Variants in MBOAT2 observed in about 807,000 individuals in gnomAD.
MBOAT2 encodes membrane bound glycerophospholipid O-acyltransferase 2, also known as membrane-bound glycerophospholipid O-acyltransferase 2.
In MBOAT2, 28 loss-of-function variants were observed where a neutral mutation model predicts 63.4. The ratio of observed to expected loss-of-function variants is 0.44; its 90% CI spans 0.33 to 0.61. The LOEUF (loss-of-function observed/expected upper bound fraction) is 0.61. Among genes scored for constraint, MBOAT2 ranks in the 20% least tolerant of loss-of-function variants. The pLI, the probability that MBOAT2 is intolerant of heterozygous loss-of-function variation, is 0.03. For synonymous variants in MBOAT2, 211 were observed against 215.6 expected (o/e 0.98, Z 0.19); for missense variants, 470 against 605.8 (o/e 0.78, Z 2.35).
chr2:8,881,629 C>T (rs187563474), intron 6 of MBOAT2, among the ~76,000 whole-genome samples: 3 of 152,062 alleles, frequency 2.0e-5, no homozygotes, highest in Non-Finnish European at 2.9e-5. Context: ...ACAAGGGCTC[C>T]TAAAGATCAA....
In MBOAT2 at chr2:8,855,683, G is replaced by A. The variant is rs1661035215; in HGVS notation, c.*2996C>T. The A allele has an allele frequency of 6.6e-6, 1 of 152,114 alleles. No individual in the cohort carries two copies. Among genetic ancestry groups the A allele is most frequent in the African/African-American group, 2.4e-5 (1 of 41,432 alleles). 9.4% of individuals were successfully genotyped at this position (152,114 alleles called of 1,614,324 possible). A position where few individuals can be genotyped will look rare whatever the true frequency, so the allele number is the denominator to read the frequency against. On this transcript the variant is annotated 3_prime_UTR_variant, in exon 13 of 13. Transcript: ENST00000305997. Reference sequence around the variant, plus strand: ...AAAATACTTACTTTAAGAACAGAATGAGCCACTTATAAAATGGTGACAGCT... The same window carrying A: ...AAAATACTTACTTTAAGAACAGAATAAGCCACTTATAAAATGGTGACAGCT...
At chr2:8,995,159 C>T (rs181421255) in intron 1 of MBOAT2, among the ~76,000 whole-genome samples, 1 of 152,126 alleles carries the variant, frequency 6.6e-6, no homozygotes, top group Admixed American at 6.5e-5. Context: ...CCGGCAATCT[C>T]ACTACTGGTT....
At chr2:8,986,242 A>C (rs1671557450) in intron 1 of MBOAT2, among the ~76,000 whole-genome samples, 1 of 151,736 alleles carries the variant, frequency 6.6e-6, no homozygotes, top group Non-Finnish European at 1.5e-5. Context: ...AGTCTAAGAA[A>C]CTGCCTCAGT....
At chr2:8,880,283 T>G (rs774086429) in intron 6 of MBOAT2, among the ~76,000 whole-genome samples, 6 of 152,008 alleles carry the variant, frequency 3.9e-5, no homozygotes, top group African/African-American at 7.2e-5. Flanking sequence ...AGAGATTAAT[T>G]TTAAAGGAAG....
intron 3 of MBOAT2, among the ~76,000 whole-genome samples, chr2:8,923,856 C>T (rs543885230): frequency 4.9e-4 from 75 of 152,220 alleles, no homozygotes; most frequent in African/African-American, 1.8e-3. Flanking sequence ...GTTGTACAGC[C>T]GTTTCAGGGG....
At chr2:8,973,097 T>C (rs542831428) in intron 1 of MBOAT2, among the ~76,000 whole-genome samples, 4 of 152,240 alleles carry the variant, frequency 2.6e-5, no homozygotes, top group South Asian at 4.1e-4. Context: ...CTATTCACAA[T>C]AGCAAAGACT....
At chr2:8,935,737 G>A (rs1232338220) in intron 3 of MBOAT2, among the ~76,000 whole-genome samples, 6 of 152,224 alleles carry the variant, frequency 3.9e-5, no homozygotes, top group Non-Finnish European at 8.8e-5. Context: ...GAAAAGTAAA[G>A]TGACTTAGCC....
intron 2 of MBOAT2, among the ~76,000 whole-genome samples, chr2:8,948,772 T>C (rs1668603947): frequency 6.6e-6 from 1 of 152,228 alleles, no homozygotes; most frequent in Non-Finnish European, 1.5e-5. Context: ...TTCCATGTCT[T>C]TGCTATTGTG....
At chr2:8,903,235 C>A (rs1026225847) in intron 4 of MBOAT2, among the ~76,000 whole-genome samples, 1 of 152,232 alleles carries the variant, frequency 6.6e-6, no homozygotes, top group African/African-American at 2.4e-5. Flanking sequence ...AGAAGCCCAG[C>A]TGGCTTCACC....
chr2:8,947,320 T>A (rs1668487545), intron 2 of MBOAT2, among the ~76,000 whole-genome samples: 2 of 152,160 alleles, frequency 1.3e-5, no homozygotes, highest in South Asian at 4.1e-4. Flanking sequence ...AGAAGTCATC[T>A]CCAGAAATAA....
chr2:8,977,135 G>A (rs1454802890), intron 1 of MBOAT2, among the ~76,000 whole-genome samples: 1 of 152,012 alleles, frequency 6.6e-6, no homozygotes, highest in Admixed American at 6.6e-5. Flanking sequence ...CAGCCTTATG[G>A]GTGGATACCT....
At chr2:8,952,314 T>C (rs373220742) in intron 2 of MBOAT2, among the ~76,000 whole-genome samples, 3 of 152,230 alleles carry the variant, frequency 2.0e-5, no homozygotes, top group Non-Finnish European at 4.4e-5. Context: ...TTTCTGAATG[T>C]ATTGAGACTT....
At chr2:8,915,855 A>G (rs974534998) in intron 3 of MBOAT2, among the ~76,000 whole-genome samples, 3 of 152,206 alleles carry the variant, frequency 2.0e-5, no homozygotes, top group African/African-American at 7.2e-5. Flanking sequence ...GTGACCTTAG[A>G]AAGTGACTAT....
At chr2:8,884,409 C>T (rs1468182856) in intron 5 of MBOAT2, among the ~76,000 whole-genome samples, 1 of 149,872 alleles carries the variant, frequency 6.7e-6, no homozygotes, top group East Asian at 1.9e-4. Context: ...ATTTAAACCC[C>T]AAAAAAGGGT....
chr2:8,963,227 G>A (rs1464603370), intron 1 of MBOAT2, among the ~76,000 whole-genome samples: 2 of 148,576 alleles, frequency 1.3e-5, no homozygotes, highest in Non-Finnish European at 3.0e-5. Flanking sequence ...AACAGAGTGA[G>A]AGCCTGTCTC....
intron 4 of MBOAT2, among the ~76,000 whole-genome samples, chr2:8,894,096 C>A (rs1222879481): frequency 2.6e-5 from 4 of 152,136 alleles, no homozygotes; most frequent in African/African-American, 9.7e-5. Context: ...TGCTAACCCT[C>A]CCCTAGCCCC....
intron 4 of MBOAT2, among the ~76,000 whole-genome samples, chr2:8,904,590 T>C (rs2148581937): frequency 6.6e-6 from 1 of 152,270 alleles, no homozygotes; most frequent in East Asian, 1.9e-4. Flanking sequence ...GTATTACAGG[T>C]GTGAGCCACT....
chr2:8,912,423 G>A (rs542479667), intron 3 of MBOAT2, among the ~76,000 whole-genome samples: 8 of 144,044 alleles, frequency 5.6e-5, no homozygotes, highest in African/African-American at 1.1e-4. Flanking sequence ...AAGACAGGCC[G>A]GCCGGCCTTG....
intron 1 of MBOAT2, among the ~76,000 whole-genome samples, chr2:8,985,032 C>T (rs1452367875): frequency 6.6e-6 from 1 of 151,966 alleles, no homozygotes; most frequent in Non-Finnish European, 1.5e-5. Context: ...GACTAGTTTC[C>T]CTCTAAGAAA....
Sources: allele counts gnomAD v4.1 joint callset (sites outside exome capture counted in the v4.1 genomes callset), GRCh38; gene constraint gnomAD v4.1.1; transcripts MANE v1.5; gene names NCBI Gene and HGNC (gene_info 2026-07-23, HGNC 2026-07-21).